SLC4A7: variants seen among roughly 807,000 people sequenced by gnomAD.
SLC4A7 encodes solute carrier family 4 member 7.
In SLC4A7, 51 loss-of-function variants were observed where a neutral mutation model predicts 137.6. The ratio of observed to expected loss-of-function variants is 0.37; its 90% confidence interval spans 0.30 to 0.47. SLC4A7 has a LOEUF of 0.47. SLC4A7 is among the 20% of genes least tolerant of loss of function. SLC4A7 has a pLI of 1.00. For synonymous variants in SLC4A7, 542 were observed against 518.6 expected (o/e 1.05, Z -0.61); for missense variants, 1,247 against 1,525.4 (o/e 0.82, Z 3.04).
chr3:27,442,350 T>C (rs910442691), intron 3 of SLC4A7, among the ~76,000 whole-genome samples: 4 of 152,210 alleles, frequency 2.6e-5, no homozygotes, highest in Non-Finnish European at 4.4e-5. Context: ...CCTTCTATAC[T>C]TTGTAATAAA....
At chr3:27,385,444 T>C (rs76516250) in intron 23 of SLC4A7, among the ~76,000 whole-genome samples, 19,208 of 152,168 alleles carry the variant, frequency 0.13, 1,203 homozygotes, top group Middle Eastern at 0.19. Context: ...TTTGTCATTA[T>C]GTATGCCAAT....
At chr3:27,405,280 G>A (rs544780318) in intron 13 of SLC4A7, among the ~76,000 whole-genome samples, 8 of 152,092 alleles carry the variant, frequency 5.3e-5, no homozygotes, top group Middle Eastern at 3.4e-3. Context: ...CACTCAAAAG[G>A]AAATGCTCAT....
At chr3:27,388,896 G>C (rs1485541297) in intron 22 of SLC4A7, among the ~76,000 whole-genome samples, 3 of 113,246 alleles carry the variant, frequency 2.6e-5, no homozygotes, top group Non-Finnish European at 7.1e-5. Context: ...TTACTATCTG[G>C]CCCTTTACAG....
intron 2 of SLC4A7, among the ~76,000 whole-genome samples, chr3:27,450,241 A>C (rs1455695463): frequency 3.3e-5 from 5 of 152,194 alleles, no homozygotes; most frequent in African/African-American, 9.6e-5. Flanking sequence ...GCACATGGTA[A>C]GTACTCGATA....
chr3:27,468,882 C>A (rs1175432728), intron 1 of SLC4A7, among the ~76,000 whole-genome samples: 1 of 151,966 alleles, frequency 6.6e-6, no homozygotes, highest in Admixed American at 6.6e-5. Flanking sequence ...CCGGGGTGGG[C>A]GGATCACTTG....
intron 5 of SLC4A7, among the ~76,000 whole-genome samples, chr3:27,435,156 A>G (rs374752944): frequency 6.6e-6 from 1 of 152,212 alleles, no homozygotes; most frequent in Non-Finnish European, 1.5e-5. Flanking sequence ...GGTTCTCTTG[A>G]AGATTAAATA....
At chr3:27,423,260 T>C (rs1338894361) in intron 8 of SLC4A7, among the ~76,000 whole-genome samples, 1 of 152,168 alleles carries the variant, frequency 6.6e-6, no homozygotes, top group African/African-American at 2.4e-5. Flanking sequence ...CTTGACATAA[T>C]TACATTTATT....
chr3:27,398,130 C>T, intron 17 of SLC4A7, 62 bp downstream of exon 17: 1 of 1,201,666 alleles, frequency 8.3e-7, no homozygotes, highest in Non-Finnish European at 1.2e-6. Flanking sequence ...TTGAAATAAA[C>T]CAAGGAAATA....
intron 1 of SLC4A7, among the ~76,000 whole-genome samples, chr3:27,475,532 G>A (rs1240889046): frequency 6.6e-6 from 1 of 151,966 alleles, no homozygotes; most frequent in African/African-American, 2.4e-5. Flanking sequence ...TTGAAAATGA[G>A]GATTAGAGTG....
chr3:27,390,002 T>A lies in SLC4A7; in HGVS notation c.3289A>T (p.Ile1097Phe). 1 of 1,613,964 alleles carries A rather than the reference T, an allele frequency of 6.2e-7. No homozygotes were observed. Among genetic ancestry groups the A allele is most frequent in the Non-Finnish European group, 8.5e-7 (1 of 1,179,878 alleles). ...AAAAGGACCAAACAAGTAAGCTGAA[T>A]GACTGTGAAAATATGGACCTTCCAG... ...PLWKVHIFTVIQLTCLVLLWV... is the reference protein window; with the variant it reads ...PLWKVHIFTVFQLTCLVLLWV... Residue 1097 changes from isoleucine to phenylalanine, a missense_variant, in exon 22 of 26, where the codon ATT becomes TTT. Physicochemically the swap from Ile to Phe is conservative, Grantham distance 21 (BLOSUM62 0). Transcript: ENST00000454389.
chr3:27,394,064 G>T (rs2051879402), intron 20 of SLC4A7, among the ~76,000 whole-genome samples: 1 of 152,106 alleles, frequency 6.6e-6, no homozygotes, highest in Non-Finnish European at 1.5e-5. Flanking sequence ...TGTCACCCAG[G>T]TTGGAGTGCA....
intron 1 of SLC4A7, among the ~76,000 whole-genome samples, chr3:27,471,467 C>T (rs1023799660): frequency 1.3e-5 from 2 of 152,084 alleles, no homozygotes; most frequent in African/African-American, 2.4e-5. Context: ...TGCAATGGGG[C>T]AATCTCAGTT....
intron 1 of SLC4A7, among the ~76,000 whole-genome samples, chr3:27,455,704 C>A (rs35594232): frequency 0.19 from 28,293 of 151,302 alleles, 2,980 homozygotes; most frequent in Non-Finnish European, 0.25. Flanking sequence ...ATGGTGAAAC[C>A]CTGTCTCTAC....
chr3:27,377,241 T>C (rs2049983500), intron 25 of SLC4A7, among the ~76,000 whole-genome samples: 1 of 152,112 alleles, frequency 6.6e-6, no homozygotes, highest in Non-Finnish European at 1.5e-5. Context: ...TCAAATAATT[T>C]CCAAGAAGGT....
chr3:27,389,977 A>T lies in SLC4A7; in HGVS notation c.3314T>A (p.Leu1105Ter). Residue 1105 changes from leucine (L) to a stop codon, truncating the protein, a stop_gained, in exon 22 of 26, where the codon TTA (leucine) becomes TAA (stop). Transcript: ENST00000454389. LOFTEE classifies it high-confidence loss of function. Reference protein sequence around the residue: ...TVIQLTCLVLLWVIKVSAAAV... With the variant: ...TVIQLTCLVL ...AGCAGCTGAAACTTTTATCACCCAT[A>T]AAAGGACCAAACAAGTAAGCTGAAT... 1 of 1,614,030 alleles carries T rather than the reference A, an allele frequency of 6.2e-7. No individual in the cohort carries two copies. The highest frequency in any genetic ancestry group is 8.5e-7 in the Non-Finnish European group (1 of 1,179,902).
In SLC4A7 at chr3:27,433,932, G is replaced by C; in HGVS notation, c.762C>G (p.His254Gln). ...ADIGKKHSDP[H>Q]LLERNGEGLS... ...TTATCTCACCATTCCTTTCAAGCAA[G>C]TGAGGGTCAGAATGTTTCTTGCCTA... Residue 254 changes from histidine to glutamine, a missense_variant, in exon 6 of 26, where the codon CAC (histidine) becomes CAG (glutamine). Coordinates refer to ENST00000454389, the MANE Select transcript of SLC4A7 (RefSeq NM_001321103.2). 3 of 1,613,674 alleles carry C rather than the reference G, an allele frequency of 1.9e-6. No homozygotes were observed. The highest frequency in any genetic ancestry group is 2.5e-6 in the Non-Finnish European group (3 of 1,179,806).
At chr3:27,422,863 G>A (rs772748393) in intron 8 of SLC4A7, 2 of 453,396 alleles carry the variant, frequency 4.4e-6, no homozygotes, top group South Asian at 3.1e-5. Flanking sequence ...AGACAAGGAA[G>A]TATACACAAA....
Position 27,376,284 on chromosome 3 carries a change from A to C in SLC4A7, c.*480T>G, listed in dbSNP as rs1276801279. 1 of 152,236 alleles carries C rather than the reference A, an allele frequency of 6.6e-6. No individual in the cohort carries two copies. The highest frequency in any genetic ancestry group is 1.5e-5 in the Non-Finnish European group (1 of 68,060). The allele number at this position is 152,236 out of a possible 1,614,324, so 9.4% of individuals were successfully genotyped here. A position where few individuals can be genotyped will look rare whatever the true frequency, so the allele number is the denominator to read the frequency against. ...ATGGACATCTACAGAAATGAAACAC[A>C]AATAGAGAAGCCCTGAAATGTTACC... is the stretch of plus-strand genomic sequence containing the variant. On this transcript the variant is annotated 3_prime_UTR_variant, in exon 26 of 26. Transcript: ENST00000454389.
At chr3:27,450,575 G>A (rs1008429404) in intron 2 of SLC4A7, among the ~76,000 whole-genome samples, 1 of 152,054 alleles carries the variant, frequency 6.6e-6, no homozygotes, top group Admixed American at 6.6e-5. Context: ...TTACAAAGTT[G>A]TTCCTCCAAT....
Sources: gnomAD v4.1 joint callset for allele counts (sites outside exome capture counted in the v4.1 genomes callset) on GRCh38, gnomAD v4.1.1 for gene constraint, MANE v1.5 for transcripts, NCBI Gene and HGNC (gene_info 2026-07-23, HGNC 2026-07-21) for gene names.